The following ZNF503 variants were observed in gnomAD, a reference collection of about 807,000 sequenced individuals.
ZNF503 encodes zinc finger protein 503, also known as NocA-like zinc finger 2.
In ZNF503, 15 loss-of-function variants were observed where a neutral mutation model predicts 34.4. The ratio of observed to expected loss-of-function variants is 0.44; its 90% confidence interval spans 0.29 to 0.67. The LOEUF (loss-of-function observed/expected upper bound fraction) is 0.67, where lower values mean the gene tolerates loss of function less well. Ranked by LOEUF, ZNF503 falls within the 30% of genes least tolerant of loss-of-function variation. ZNF503 has a pLI of 0.13. For synonymous variants in ZNF503, 580 were observed against 456.8 expected (o/e 1.27, Z -3.44); for missense variants, 1,007 against 926.8 (o/e 1.09, Z -1.12).
rs1554886729 is a variant in ZNF503, at chr10:75,401,348, T to TCCGCCTCCGCCGCCG, written c.57_71dup (p.Gly23_Gly27dup). On this transcript the variant is annotated inframe_insertion, in exon 1 of 2. Coordinates refer to ENST00000372524, the MANE Select transcript of ZNF503 (RefSeq NM_032772.6). The stretch of plus-strand genomic sequence containing the variant: ...TCCAGGCAGGGTCTGCACCGCCGCC[T>TCCGCCTCCGCCGCCG]CCGCCTCCGCCGCCGCCGCCGCCGC... 2.0e-6 allele frequency: 3 copies of TCCGCCTCCGCCGCCG among 1,490,958 alleles called. No individual in the cohort carries two copies. The highest frequency in any genetic ancestry group is 2.6e-6 in the Non-Finnish European group (3 of 1,138,270). The allele number at this position is 1,490,958 out of a possible 1,614,324, so 92.4% of individuals were successfully genotyped here.
chr10:75,396,937 C>T (rs561292139), downstream of ZNF503, among the ~76,000 whole-genome samples: 87 of 152,326 alleles, frequency 5.7e-4, no homozygotes, highest in African/African-American at 2.0e-3. This position sits in a 1 kb window ranked among gnomAD's most constrained non-coding sequence, Gnocchi z 4.4. Context: ...GACAGCGGCC[C>T]GCGCCACAGG....
chr10:75,366,834 A>T, the ZNF503 span, among the ~76,000 whole-genome samples: 1 of 152,226 alleles, frequency 6.6e-6, no homozygotes, highest in Admixed American at 6.5e-5. Context: ...CGCGGGTGAG[A>T]TAACTCTGAA....
the ZNF503 span, among the ~76,000 whole-genome samples, chr10:75,378,084 G>A: frequency 2.6e-5 from 4 of 151,960 alleles, no homozygotes; most frequent in African/African-American, 9.7e-5. Context: ...GACAGCACCA[G>A]GCAGGGGAGG....
chr10:75,395,361 T>A (rs1286486995), downstream of ZNF503, among the ~76,000 whole-genome samples: 1 of 152,154 alleles, frequency 6.6e-6, no homozygotes, highest in Admixed American at 6.5e-5. This position sits in a 1 kb window ranked among gnomAD's most constrained non-coding sequence, Gnocchi z 4.4. Context: ...GGGAGGGGCC[T>A]CCTGGACACC....
At chr10:75,302,107 C>G in the ZNF503 span, among the ~76,000 whole-genome samples, 91 of 152,284 alleles carry the variant, frequency 6.0e-4, no homozygotes, top group Middle Eastern at 3.4e-3. Context: ...TATTTCCCTT[C>G]CATGTTGAAG....
chr10:75,311,100 T>C, the ZNF503 span, among the ~76,000 whole-genome samples: 1 of 152,032 alleles, frequency 6.6e-6, no homozygotes, highest in Non-Finnish European at 1.5e-5. Context: ...GATCCCACAA[T>C]AGGCCATCTG....
the ZNF503 span, among the ~76,000 whole-genome samples, chr10:75,375,538 A>G: frequency 6.6e-6 from 1 of 151,964 alleles, no homozygotes; most frequent in African/African-American, 2.4e-5. Flanking sequence ...TCTTTTTGAG[A>G]CAGAGTCTTG....
chr10:75,381,501 G>T, the ZNF503 span, among the ~76,000 whole-genome samples: 354 of 152,254 alleles, frequency 2.3e-3, 2 homozygotes, highest in Admixed American at 6.5e-3. Flanking sequence ...GGGATTACAG[G>T]CATGAGCCAC....
rs1487991767 is a variant in ZNF503 at position 75,399,362 on chromosome 10, C to A, written c.1328G>T (p.Gly443Val). ...GCAAGAAGCGCTGGCGGCCGCCGCC[C>A]CTGCCAGGTGGCTAGCGCAGTGGTA... ...LSYHCASHLA[G>V]AAAASASCAH... is the part of the protein sequence containing the mutation. Residue 443 changes from glycine (G) to valine (V), a missense_variant, in exon 2 of 2, where the codon GGG becomes GTG. By Grantham distance (109) the Gly-to-Val change is moderately radical. Coordinates refer to ENST00000372524, the MANE Select transcript of ZNF503 (RefSeq NM_032772.6). 3 of 1,605,896 alleles carry A rather than the reference C, an allele frequency of 1.9e-6. No homozygotes were observed. In the Admixed American group the frequency reaches 5.0e-5, roughly 27 times the overall value.
chr10:75,283,355 C>T, the ZNF503 span: 18 of 152,430 alleles, frequency 1.2e-4, no homozygotes. Flanking sequence ...CAGCAGCAGA[C>T]ATACGTGTGG....
the ZNF503 span, among the ~76,000 whole-genome samples, chr10:75,307,305 C>T: frequency 2.6e-5 from 4 of 152,152 alleles, no homozygotes; most frequent in Non-Finnish European, 5.9e-5. Context: ...GTTTACTAGT[C>T]GGGTAGAAGA....
the ZNF503 span, among the ~76,000 whole-genome samples, chr10:75,336,011 G>A: frequency 6.6e-6 from 1 of 152,204 alleles, no homozygotes. Flanking sequence ...TCAACTGGCA[G>A]CATGGCATGG....
the ZNF503 span, among the ~76,000 whole-genome samples, chr10:75,388,125 G>A: frequency 2.0e-5 from 3 of 152,196 alleles, no homozygotes; most frequent in Non-Finnish European, 4.4e-5. Flanking sequence ...GGGGACAGCA[G>A]ACCATGTCCA....
At chr10:75,349,653 A>T in the ZNF503 span, among the ~76,000 whole-genome samples, 2 of 152,134 alleles carry the variant, frequency 1.3e-5, no homozygotes, top group African/African-American at 4.8e-5. Flanking sequence ...GCCCATAACC[A>T]TTGCAGCCGA....
chr10:75,374,483 A>AC, the ZNF503 span, among the ~76,000 whole-genome samples: 3 of 151,822 alleles, frequency 2.0e-5, no homozygotes, highest in South Asian at 6.3e-4. Context: ...CGCACTTGCC[A>AC]CCCTCTTGTC....
chr10:75,314,760 T>C, the ZNF503 span, among the ~76,000 whole-genome samples: 1 of 152,192 alleles, frequency 6.6e-6, no homozygotes. Context: ...TGGAATAATA[T>C]ATTAAAAATT....
chr10:75,291,971 T>A, the ZNF503 span, among the ~76,000 whole-genome samples: 1 of 152,178 alleles, frequency 6.6e-6, no homozygotes, highest in Non-Finnish European at 1.5e-5. Flanking sequence ...CAGTACCTGT[T>A]CCTGTCTTGC....
the ZNF503 span, among the ~76,000 whole-genome samples, chr10:75,374,889 C>T: frequency 6.6e-6 from 1 of 152,162 alleles, no homozygotes; most frequent in Non-Finnish European, 1.5e-5. Flanking sequence ...GGATAAAAGT[C>T]CCCAAGCTTG....
chr10:75,398,812 G>A lies in ZNF503; in HGVS notation c.1878C>T (p.Tyr626=). Reference sequence around the variant, plus strand: ...GTCCGTAGAGGGCGTAGGGGGAGTAGTACGGTCCGGTGGCGGCGGGCACCG... The same window carrying A: ...GTCCGTAGAGGGCGTAGGGGGAGTAATACGGTCCGGTGGCGGCGGGCACCG... ...PVPVPAATGP[Y]YSPYALYGQR... is the part of the protein sequence containing the mutation. The change falls in exon 2 of 2, where the codon TAC becomes TAT. Residue 626 remains tyrosine, a synonymous_variant. Coordinates refer to ENST00000372524, the MANE Select transcript of ZNF503 (RefSeq NM_032772.6). 1 of 1,495,328 alleles carries A rather than the reference G, an allele frequency of 6.7e-7. No homozygotes were observed. Among genetic ancestry groups the A allele is most frequent in the Non-Finnish European group, 8.9e-7 (1 of 1,128,654 alleles). The allele number at this position is 1,495,328 out of a possible 1,614,324, so 92.6% of individuals were successfully genotyped here.
Sources: gnomAD v4.1 joint callset for allele counts (sites outside exome capture counted in the v4.1 genomes callset) on GRCh38, gnomAD v4.1.1 for gene constraint, Gnocchi (gnomAD v3.1) non-coding constraint, MANE v1.5 for transcripts, NCBI Gene and HGNC (gene_info 2026-07-23, HGNC 2026-07-21) for gene names.